DGKG: variants seen among roughly 807,000 people sequenced by gnomAD.
DGKG encodes DAG kinase gamma.
DGKG carries 78 observed loss-of-function variants against 105.3 expected under a neutral mutation model. That is an observed-to-expected ratio of 0.74 (90% confidence interval 0.62 to 0.89). The LOEUF (loss-of-function observed/expected upper bound fraction) is 0.89. Ranked by LOEUF, DGKG falls within the 40% of genes least tolerant of loss-of-function variation. The pLI is 0.00. For synonymous variants in DGKG, 346 were observed against 367.1 expected, an observed-to-expected ratio of 0.94 and a Z score of 0.66; for missense variants, 958 against 1,020.1, an observed-to-expected ratio of 0.94 and a Z score of 0.83.
intron 20 of DGKG, among the ~76,000 whole-genome samples, chr3:186,221,998 C>T (rs1172428283): frequency 1.3e-5 from 2 of 152,218 alleles, no homozygotes; most frequent in African/African-American, 2.4e-5. Context: ...ACCCAAGGGT[C>T]GCGCTCTTTT....
rs115565445 is a variant in DGKG, at chr3:186,310,509, G to A, written c.68-3532C>T. 2.2e-4 allele frequency among the ~76,000 whole-genome samples: 33 copies of A among 152,230 alleles called. No individual in the cohort carries two copies. The East Asian group carries it at 5.6e-3, about 26-fold the overall frequency. ...TATAACAGTTTTCTTCTTAATAGAT[G>A]TCTGGGTTGGGTTTCTTTTTCCATG... On this transcript the variant is annotated intron_variant, in intron 2 of 24. Coordinates refer to ENST00000265022, the MANE Select transcript of DGKG (RefSeq NM_001346.3).
At chr3:186,188,835 G>T (rs925025551) in intron 21 of DGKG, among the ~76,000 whole-genome samples, 1 of 151,880 alleles carries the variant, frequency 6.6e-6, no homozygotes, top group Non-Finnish European at 1.5e-5. Context: ...ATTTTTTTGA[G>T]ATGGAGTCTT....
At chr3:186,173,095 CTCT>C (rs1425732680) in intron 22 of DGKG, among the ~76,000 whole-genome samples, 1 of 152,188 alleles carries the variant, frequency 6.6e-6, no homozygotes, top group Admixed American at 6.5e-5. Context: ...GTTTCCAAAT[CTCT>C]TCTTATAAGG....
intron 8 of DGKG, 93 bp from the exon 9 acceptor site, chr3:186,280,066 T>C: frequency 1.3e-6 from 2 of 1,523,000 alleles, no homozygotes; most frequent in Non-Finnish European, 1.8e-6. Context: ...TTGCATTATC[T>C]GGTTTGTGTT....
chr3:186,205,580 G>A (rs1443016035), intron 21 of DGKG, among the ~76,000 whole-genome samples: 1 of 151,856 alleles, frequency 6.6e-6, no homozygotes, highest in Non-Finnish European at 1.5e-5. Flanking sequence ...TGTGGTGGCG[G>A]GCACCTATAA....
intron 20 of DGKG, among the ~76,000 whole-genome samples, chr3:186,225,642 A>T (rs1211048412): frequency 6.6e-6 from 1 of 152,104 alleles, no homozygotes. Flanking sequence ...GGCCACTGAG[A>T]ACTGGCTGCT....
chr3:186,265,950 G>A lies in DGKG; in HGVS notation c.1210-644C>T, dbSNP rs56048703. Among the ~76,000 whole-genome samples, 312 of 152,260 alleles carry A rather than the reference G, an allele frequency of 2.0e-3. 3 individuals are homozygous for A. The highest frequency in any genetic ancestry group is 4.7e-3 in the Admixed American group (72 of 15,294). On this transcript the variant is annotated intron_variant, in intron 13 of 24. Transcript: ENST00000265022. Reference sequence around the variant, plus strand: ...CTCCCAAAGTGCTGGGATTACAGGTGTAAGCCACTGCGCCTGGCCGTCGAC... The same window carrying A: ...CTCCCAAAGTGCTGGGATTACAGGTATAAGCCACTGCGCCTGGCCGTCGAC...
chr3:186,185,545 A>G (rs929851221), intron 22 of DGKG, among the ~76,000 whole-genome samples: 3 of 152,114 alleles, frequency 2.0e-5, no homozygotes, highest in African/African-American at 4.8e-5. Flanking sequence ...TGGAGAGTCG[A>G]AGTGGGGAGC....
Position 186,226,214 on chromosome 3 carries a change from C to T in DGKG, c.1827-14329G>A, listed in dbSNP as rs1719853070. 6.6e-6 allele frequency among the ~76,000 whole-genome samples: 1 copy of T among 152,182 alleles called. No homozygotes were observed. Among genetic ancestry groups the T allele is most frequent in the African/African-American group, 2.4e-5 (1 of 41,438 alleles). The stretch of plus-strand genomic sequence containing the variant: ...GAATTTTAAGATTATACCACCAAGG[C>T]TTGATTATTAAGGGACAAATTCTTT... On this transcript the variant is annotated intron_variant, in intron 20 of 24. Coordinates refer to ENST00000265022, the MANE Select transcript of DGKG (RefSeq NM_001346.3). This position sits in a 1 kb window ranked among gnomAD's most constrained non-coding sequence, Gnocchi z 4.2.
At chr3:186,353,672 A>ATATCTATATC (rs1194665502) in intron 1 of DGKG, among the ~76,000 whole-genome samples, 2 of 140,858 alleles carry the variant, frequency 1.4e-5, no homozygotes, top group East Asian at 2.0e-4. Context: ...ATCTATATCT[A>ATATCTATATC]TATCTATATC....
chr3:186,265,159 C>A, intron 14 of DGKG, 88 bp downstream of exon 14: 1 of 1,304,400 alleles, frequency 7.7e-7, no homozygotes, highest in Non-Finnish European at 1.1e-6. Context: ...TGCTGAGATG[C>A]TTTTCTGTAG....
At chr3:186,234,262 C>T (rs1441850538) in intron 20 of DGKG, among the ~76,000 whole-genome samples, 2 of 152,232 alleles carry the variant, frequency 1.3e-5, no homozygotes, top group Admixed American at 1.3e-4. Flanking sequence ...ATTCCAGATT[C>T]AGCCTTTTGC....
chr3:186,232,384 G>T (rs147986818), intron 20 of DGKG, among the ~76,000 whole-genome samples: 1 of 152,134 alleles, frequency 6.6e-6, no homozygotes, highest in Non-Finnish European at 1.5e-5. Context: ...ATGTTATAGC[G>T]CTGAGTGTTT....
At chr3:186,205,728 A>G (rs758898968) in intron 21 of DGKG, among the ~76,000 whole-genome samples, 16 of 152,140 alleles carry the variant, frequency 1.1e-4, no homozygotes, top group Non-Finnish European at 1.8e-4. Context: ...CCAAAACAAC[A>G]ACCACAACAA....
At chr3:186,218,026 T>G (rs1719380035) in intron 20 of DGKG, among the ~76,000 whole-genome samples, 1 of 152,106 alleles carries the variant, frequency 6.6e-6, no homozygotes, top group Non-Finnish European at 1.5e-5. Context: ...GGAGGCCTGG[T>G]GAAACAGATG....
chr3:186,358,126 T>C (rs1727057802), intron 1 of DGKG, among the ~76,000 whole-genome samples: 1 of 152,254 alleles, frequency 6.6e-6, no homozygotes, highest in African/African-American at 2.4e-5. Context: ...AAAATTCTCT[T>C]ATTCGTTCAT....
chr3:186,332,393 AG>A (rs1394628401), intron 1 of DGKG, among the ~76,000 whole-genome samples: 10 of 152,204 alleles, frequency 6.6e-5, no homozygotes, highest in Admixed American at 1.3e-4. Flanking sequence ...TTAAGGAAGC[AG>A]GGTTGTGAAT....
At chr3:186,280,012 A>C in intron 8 of DGKG, 39 bp from the exon 9 acceptor site, 1 of 1,611,594 alleles carries the variant, frequency 6.2e-7, no homozygotes, top group African/African-American at 1.3e-5. Flanking sequence ...CATTTTCATC[A>C]TCGACATGTC....
chr3:186,148,264 A>C lies in DGKG; in HGVS notation c.*1826T>G. On this transcript the variant is annotated 3_prime_UTR_variant, in exon 25 of 25. Transcript: ENST00000265022. ...GTCCTGGCTGGCAGTATCTTGCAGAAGACGCCTCAGTCCTTCTTGTGACTC... is the reference window on the plus strand; with the variant it reads ...GTCCTGGCTGGCAGTATCTTGCAGACGACGCCTCAGTCCTTCTTGTGACTC... 1.0e-6 allele frequency: 1 copy of C among 985,486 alleles called. No individual in the cohort carries two copies. The highest frequency in any genetic ancestry group is 1.2e-6 in the Non-Finnish European group (1 of 829,964). 61.0% of individuals were successfully genotyped at this position (985,486 alleles called of 1,614,324 possible).
Sources: allele counts gnomAD v4.1 joint callset (sites outside exome capture counted in the v4.1 genomes callset), GRCh38; gene constraint gnomAD v4.1.1; non-coding constraint Gnocchi (gnomAD v3.1); transcripts MANE v1.5; gene names NCBI Gene and HGNC (gene_info 2026-07-23, HGNC 2026-07-21).